MALRD1: variants seen among roughly 807,000 people sequenced by gnomAD.
MALRD1 encodes MAM and LDL-receptor class A domain-containing protein 1.
In MALRD1, 247 loss-of-function variants were observed where a neutral mutation model predicts 242.1. That is an observed-to-expected ratio of 1.02 (90% CI 0.92 to 1.13). The LOEUF (loss-of-function observed/expected upper bound fraction) is 1.13, where lower values mean the gene tolerates loss of function less well. Among genes scored for constraint, MALRD1 ranks in the 50% most tolerant of loss-of-function variants. MALRD1 has a pLI of 0.00. For missense variants in MALRD1, 2,989 were observed against 2,533.1 expected (o/e 1.18, Z -3.86); for synonymous variants, 995 against 866.6 (o/e 1.15, Z -2.60).
At chr10:19,456,896 G>T (rs3864831) in intron 29 of MALRD1, among the ~76,000 whole-genome samples, 6 of 151,366 alleles carry the variant, frequency 4.0e-5, no homozygotes, top group African/African-American at 1.5e-4. Context: ...CCTCAGCCTC[G>T]TGAGTAGCCG....
chr10:19,446,620 A>T (rs1282925353), intron 28 of MALRD1, among the ~76,000 whole-genome samples: 1 of 152,238 alleles, frequency 6.6e-6, no homozygotes, highest in African/African-American at 2.4e-5. Context: ...GGCATAAAGT[A>T]TGAAGACAAA....
chr10:19,689,509 C>A (rs1456008631), intron 36 of MALRD1, among the ~76,000 whole-genome samples: 2 of 151,816 alleles, frequency 1.3e-5, no homozygotes, highest in Non-Finnish European at 1.5e-5. Context: ...GGATTTGAGG[C>A]AAATGATGGA....
chr10:19,423,264 T>C (rs1359200591), intron 28 of MALRD1, among the ~76,000 whole-genome samples: 1 of 152,054 alleles, frequency 6.6e-6, no homozygotes, highest in Non-Finnish European at 1.5e-5. Context: ...TCCTGTTTGC[T>C]CAGTTTGACT....
At chr10:19,487,604 G>C (rs947805557) in intron 29 of MALRD1, among the ~76,000 whole-genome samples, 1 of 150,776 alleles carries the variant, frequency 6.6e-6, no homozygotes, top group African/African-American at 2.4e-5. Context: ...TAATTATATG[G>C]CTTTACATCC....
rs144832390 is a variant in MALRD1, at chr10:19,217,672, G to A, written c.2991+7992G>A. Among the ~76,000 whole-genome samples, 436 of 151,570 alleles carry A rather than the reference G, an allele frequency of 2.9e-3. 3 individuals carry two copies. The highest frequency in any genetic ancestry group is 9.1e-3 in the African/African-American group (377 of 41,352). The stretch of plus-strand genomic sequence containing the variant: ...CTCAGCCTCCCAAGTAACTACAGGC[G>A]TGCACCATCGTGCCCAGCTAATTTT... On this transcript the variant is annotated intron_variant, in intron 18 of 39. Transcript: ENST00000454679.
intron 24 of MALRD1, among the ~76,000 whole-genome samples, chr10:19,340,327 A>G (rs1843791390): frequency 6.8e-6 from 1 of 147,386 alleles, no homozygotes. Context: ...CACTGACTGT[A>G]GTCAATTTGA....
intron 5 of MALRD1, among the ~76,000 whole-genome samples, chr10:19,106,246 G>T (rs1303979733): frequency 6.6e-6 from 1 of 151,770 alleles, no homozygotes; most frequent in East Asian, 1.9e-4. Flanking sequence ...ATATGAGTGA[G>T]AGGTTGTTAG....
intron 32 of MALRD1, among the ~76,000 whole-genome samples, chr10:19,560,907 ATG>A (rs1229067395): frequency 1.3e-5 from 2 of 152,128 alleles, no homozygotes; most frequent in African/African-American, 4.8e-5. Flanking sequence ...GTGTATACCT[ATG>A]TAACAAACCT....
chr10:19,694,311 T>G (rs1401116559), intron 38 of MALRD1, among the ~76,000 whole-genome samples: 2 of 151,908 alleles, frequency 1.3e-5, no homozygotes, highest in East Asian at 1.9e-4. Flanking sequence ...GGGAGAAAAT[T>G]TTTGCAATCT....
intron 28 of MALRD1, among the ~76,000 whole-genome samples, chr10:19,422,203 A>G (rs140666541): frequency 1.1e-3 from 171 of 152,328 alleles, no homozygotes; most frequent in African/African-American, 3.9e-3. Context: ...GTAGTTAGTA[A>G]AATTTTCTGT....
intron 26 of MALRD1, among the ~76,000 whole-genome samples, chr10:19,378,245 A>G (rs1198896516): frequency 2.0e-5 from 3 of 152,134 alleles, no homozygotes; most frequent in African/African-American, 7.2e-5. Flanking sequence ...TTCGTTTTGC[A>G]TTTCCAAAAG....
At chr10:19,631,456 C>T (rs191196273) in intron 36 of MALRD1, among the ~76,000 whole-genome samples, 73 of 152,232 alleles carry the variant, frequency 4.8e-4, no homozygotes, top group African/African-American at 1.4e-3. Context: ...AATGAACATA[C>T]GCATGCATGT....
At chr10:19,601,559 A>T (rs904091414) in intron 34 of MALRD1, among the ~76,000 whole-genome samples, 20 of 152,090 alleles carry the variant, frequency 1.3e-4, no homozygotes, top group Non-Finnish European at 1.3e-4. Flanking sequence ...ATAAAGCCAA[A>T]GTCAGTTTTT....
At chr10:19,218,309 G>A (rs1395002568) in intron 18 of MALRD1, among the ~76,000 whole-genome samples, 1 of 152,066 alleles carries the variant, frequency 6.6e-6, no homozygotes, top group African/African-American at 2.4e-5. Flanking sequence ...TCCAGTAGTA[G>A]TTTTGGTGGA....
chr10:19,591,929 A>G (rs1418931938), intron 33 of MALRD1, among the ~76,000 whole-genome samples: 1 of 152,224 alleles, frequency 6.6e-6, no homozygotes, highest in Non-Finnish European at 1.5e-5. Context: ...GTATAGATTT[A>G]TAGTAGAATA....
intron 12 of MALRD1, among the ~76,000 whole-genome samples, chr10:19,156,261 T>C (rs1461960987): frequency 1.3e-5 from 2 of 152,256 alleles, no homozygotes; most frequent in South Asian, 4.1e-4. Flanking sequence ...CCATAGATAC[T>C]TTCTTTTAAA....
At chr10:19,658,314 C>G (rs1477595841) in intron 36 of MALRD1, among the ~76,000 whole-genome samples, 1 of 152,024 alleles carries the variant, frequency 6.6e-6, no homozygotes, top group African/African-American at 2.4e-5. Flanking sequence ...AATGTGGTAA[C>G]AATGTTTGCC....
intron 31 of MALRD1, among the ~76,000 whole-genome samples, chr10:19,506,098 T>G (rs1314072341): frequency 6.6e-6 from 1 of 152,200 alleles, no homozygotes; most frequent in Non-Finnish European, 1.5e-5. Context: ...TGGGGAAGTG[T>G]ATTTGCCTGC....
chr10:19,518,386 A>G (rs1485973744), intron 31 of MALRD1, among the ~76,000 whole-genome samples: 1 of 152,100 alleles, frequency 6.6e-6, no homozygotes, highest in African/African-American at 2.4e-5. Flanking sequence ...CTGTTTTATA[A>G]TTTCCATAGA....
Sources: gnomAD v4.1 joint callset for allele counts (sites outside exome capture counted in the v4.1 genomes callset) on GRCh38, gnomAD v4.1.1 for gene constraint, MANE v1.5 for transcripts, NCBI Gene and HGNC (gene_info 2026-07-23, HGNC 2026-07-21) for gene names.